FBXL17: variants seen among roughly 807,000 people sequenced by gnomAD.
FBXL17 encodes the protein F-box/LRR-repeat protein 17.
Under a neutral mutation model 66.2 loss-of-function variants are expected in FBXL17, and 22 were observed. The observed-to-expected ratio is 0.33, with a 90% CI of 0.24 to 0.47. The LOEUF (loss-of-function observed/expected upper bound fraction) is 0.47. Ranked by LOEUF, FBXL17 falls within the 20% of genes least tolerant of loss-of-function variation. FBXL17 has a pLI of 1.00. For missense variants in FBXL17, 878 were observed against 948.2 expected (o/e 0.93, Z 0.97); for synonymous variants, 474 against 400.5 (o/e 1.18, Z -2.19).
At chr5:108,244,538 C>T (rs1756006362) in intron 4 of FBXL17, among the ~76,000 whole-genome samples, 1 of 152,050 alleles carries the variant, frequency 6.6e-6, no homozygotes, top group South Asian at 2.1e-4. Flanking sequence ...ACAAGGGCTA[C>T]CCACTATTCA....
intron 6 of FBXL17, among the ~76,000 whole-genome samples, chr5:108,088,739 A>G (rs1031557805): frequency 5.9e-5 from 7 of 118,160 alleles, no homozygotes; most frequent in Non-Finnish European, 1.0e-4. Context: ...AAAAAAAAAA[A>G]GATACCTGTA....
intron 4 of FBXL17, among the ~76,000 whole-genome samples, chr5:108,230,697 C>G (rs1234507781): frequency 6.8e-6 from 1 of 148,032 alleles, no homozygotes; most frequent in African/African-American, 2.5e-5. Flanking sequence ...CTAAATACCA[C>G]CTGTTCCCCA....
chr5:108,007,792 A>G (rs1189142108), intron 7 of FBXL17, among the ~76,000 whole-genome samples: 1 of 152,178 alleles, frequency 6.6e-6, no homozygotes, highest in Non-Finnish European at 1.5e-5. Flanking sequence ...AAAAGACAGC[A>G]TAACGATAGA....
chr5:107,932,264 A>G (rs375683438), intron 7 of FBXL17, among the ~76,000 whole-genome samples: 1 of 152,214 alleles, frequency 6.6e-6, no homozygotes, highest in East Asian at 1.9e-4. Context: ...TAATTTTATG[A>G]GACATATAAT....
chr5:108,097,110 T>C (rs1749397815), intron 6 of FBXL17, among the ~76,000 whole-genome samples: 1 of 152,194 alleles, frequency 6.6e-6, no homozygotes, highest in Non-Finnish European at 1.5e-5. Flanking sequence ...TCTCCCATGC[T>C]GTTTTCATGA....
At chr5:108,304,788 C>A (rs1294526504) in intron 4 of FBXL17, among the ~76,000 whole-genome samples, 1 of 151,980 alleles carries the variant, frequency 6.6e-6, no homozygotes, top group Non-Finnish European at 1.5e-5. Context: ...TCTGTTACCT[C>A]ATATTTCAGC....
chr5:108,155,805 A>T (rs1421487363), intron 6 of FBXL17, among the ~76,000 whole-genome samples: 1 of 152,198 alleles, frequency 6.6e-6, no homozygotes, highest in Non-Finnish European at 1.5e-5. Context: ...AAAAATAAGA[A>T]TTCCTTAAGG....
At chr5:108,192,998 T>A (rs1384583117) in intron 5 of FBXL17, among the ~76,000 whole-genome samples, 1 of 152,216 alleles carries the variant, frequency 6.6e-6, no homozygotes, top group Admixed American at 6.5e-5. Context: ...ATAATTTAAG[T>A]GACACAAGTT....
intron 4 of FBXL17, among the ~76,000 whole-genome samples, chr5:108,333,805 G>C (rs746445551): frequency 1.3e-5 from 2 of 151,940 alleles, no homozygotes; most frequent in Non-Finnish European, 2.9e-5. Flanking sequence ...GATTAGAAAG[G>C]GTTATCTTAA....
In FBXL17 at chr5:107,881,039, T is replaced by C; in HGVS notation, c.1963A>G (p.Lys655Glu). ...LRYLGLMRCD[K>E]VNEVTVEQLV... The stretch of plus-strand genomic sequence containing the variant: ...ACAACTTGATAGTCAACTCTTACTT[T>C]ATCACATCTCATCAGCCCCAAATAT... The change falls in exon 8 of 9, where the codon AAA becomes GAA. Residue 655 changes from lysine (K) to glutamate (E), a missense_variant and splice_region_variant. By Grantham distance (56) the Lys-to-Glu change is moderately conservative. Around this residue, in one of 4 missense-constraint regions of FBXL17, gnomAD observed 236 missense variants for 389.1 expected, o/e 0.61. Coordinates refer to ENST00000542267, the MANE Select transcript of FBXL17 (RefSeq NM_001163315.3). 6.2e-7 allele frequency: 1 copy of C among 1,614,148 alleles called. No individual in the cohort carries two copies. The highest frequency in any genetic ancestry group is 8.5e-7 in the Non-Finnish European group (1 of 1,179,988).
rs1032447967 is a variant in FBXL17, at chr5:108,380,791, G to A, written c.901C>T (p.Arg301Trp). The A allele has an allele frequency of 8.8e-6, 11 of 1,248,146 alleles. No homozygotes were observed. In the Admixed American group the frequency reaches 2.5e-4, roughly 29 times the overall value. 77.3% of individuals were successfully genotyped at this position (1,248,146 alleles called of 1,614,324 possible). ...QQHECGDADCRESPENPCDCH... is the reference protein window; with the variant it reads ...QQHECGDADCWESPENPCDCH... ...TCGCAGGGGTTTTCGGGGGACTCCC[G>A]ACAGTCCGCGTCGCCACATTCATGC... is the stretch of plus-strand genomic sequence containing the variant. Residue 301 changes from arginine (R) to tryptophan (W), a missense_variant, in exon 1 of 9, where the codon CGG (arginine) becomes TGG (tryptophan). By Grantham distance (101) the Arg-to-Trp change is moderately radical (BLOSUM62 -3). Around this residue, in one of 4 missense-constraint regions of FBXL17, gnomAD observed 605 missense variants for 509.5 expected, o/e 1.19. Coordinates refer to ENST00000542267, the MANE Select transcript of FBXL17 (RefSeq NM_001163315.3).
At chr5:108,272,356 A>AT (rs200279924) in intron 4 of FBXL17, among the ~76,000 whole-genome samples, 2,084 of 145,616 alleles carry the variant, frequency 0.014, 44 homozygotes, top group Middle Eastern at 0.042. Context: ...GTTAGCTATA[A>AT]TTTTTTTTTT....
chr5:108,126,218 T>C (rs1373514725), intron 6 of FBXL17, among the ~76,000 whole-genome samples: 1 of 151,060 alleles, frequency 6.6e-6, no homozygotes, highest in African/African-American at 2.4e-5. Context: ...AGTTTAAAAA[T>C]CAGGCAAAAA....
chr5:107,944,322 T>TTA (rs1751212421), intron 7 of FBXL17, among the ~76,000 whole-genome samples: 1 of 152,188 alleles, frequency 6.6e-6, no homozygotes, highest in Non-Finnish European at 1.5e-5. Context: ...ATGCCCTTAT[T>TTA]TATATCAAGG....
intron 4 of FBXL17, among the ~76,000 whole-genome samples, chr5:108,268,325 T>C (rs539343563): frequency 1.3e-5 from 2 of 152,106 alleles, no homozygotes; most frequent in South Asian, 4.1e-4. Flanking sequence ...GTGCTGTGGC[T>C]TTTATACTTA....
At chr5:108,108,757 G>C (rs1414351018) in intron 6 of FBXL17, among the ~76,000 whole-genome samples, 1 of 150,756 alleles carries the variant, frequency 6.6e-6, no homozygotes, top group African/African-American at 2.4e-5. Flanking sequence ...TGTTTCCCCA[G>C]TGGGCCAAAA....
intron 1 of FBXL17, 37 bp from the exon 2 acceptor site, chr5:108,367,990 A>C (rs1012326265): frequency 1.3e-6 from 2 of 1,518,398 alleles, no homozygotes; most frequent in Non-Finnish European, 8.8e-7. Context: ...ATATGTGCTA[A>C]ACATTTTCAA....
chr5:107,934,201 T>C (rs1162310115), intron 7 of FBXL17, among the ~76,000 whole-genome samples: 2 of 152,162 alleles, frequency 1.3e-5, no homozygotes, highest in Admixed American at 1.3e-4. Context: ...TTGTGCATAA[T>C]AATAATCTAA....
intron 4 of FBXL17, among the ~76,000 whole-genome samples, chr5:108,321,721 AAAC>A (rs1304161659): frequency 1.3e-5 from 2 of 151,884 alleles, no homozygotes; most frequent in Non-Finnish European, 2.9e-5. Context: ...TTAAAAAAAA[AAAC>A]AAGAAAAAAC....
Sources: allele counts gnomAD v4.1 joint callset (sites outside exome capture counted in the v4.1 genomes callset), GRCh38; gene constraint gnomAD v4.1.1; regional missense constraint gnomAD v4.1.1; transcripts MANE v1.5; gene names NCBI Gene and HGNC (gene_info 2026-07-23, HGNC 2026-07-21).